Variants in MRPL45 observed in about 807,000 individuals in gnomAD.
The protein encoded by MRPL45 is large ribosomal subunit protein mL45.
In MRPL45, 20 loss-of-function variants were observed where a neutral mutation model predicts 38.1. The ratio of observed to expected loss-of-function variants is 0.53; its 90% CI spans 0.37 to 0.76. The LOEUF is 0.76. MRPL45 is among the 30% of genes least tolerant of loss of function. The pLI is 0.00. For synonymous variants in MRPL45, 105 were observed against 128.8 expected, an observed-to-expected ratio of 0.82 and a Z score of 1.25; for missense variants, 337 against 395.6, an observed-to-expected ratio of 0.85 and a Z score of 1.26.
At position 38,322,579 on chromosome 17, in the gene MRPL45, A is replaced by G; in HGVS notation, c.905A>G (p.Lys302Arg). The stretch of plus-strand genomic sequence containing the variant: ...GAAGAGGCACAAGGAGAGGCCCAGA[A>G]GCCTCAGCTAGCCTGATGACAAAAA... ...EYEEAQGEAQKPQLA is the reference protein window; with the variant it reads ...EYEEAQGEAQRPQLA The change falls in exon 8 of 8, where the codon AAG becomes AGG. Residue 302 changes from lysine (K) to arginine (R), a missense_variant. Physicochemically the swap from Lys to Arg is conservative, Grantham distance 26 (BLOSUM62 2). Transcript: ENST00000613675. The G allele has an allele frequency of 6.2e-7, 1 of 1,612,858 alleles. No homozygotes were observed. The highest frequency in any genetic ancestry group is 8.5e-7 in the Non-Finnish European group (1 of 1,179,690).
At chr17:38,302,446 C>CACTG (rs1177815547) in intron 3 of MRPL45, among the ~76,000 whole-genome samples, 1 of 144,758 alleles carries the variant, frequency 6.9e-6, no homozygotes, top group African/African-American at 2.6e-5. Context: ...CAGATTGCAC[C>CACTG]ACTGCATTCC....
At chr17:38,317,419 G>A (rs956795197) in intron 4 of MRPL45, among the ~76,000 whole-genome samples, 18 of 152,168 alleles carry the variant, frequency 1.2e-4, no homozygotes, top group Non-Finnish European at 1.6e-4. Context: ...GGGACAAAGA[G>A]TTAAACTGCT....
intron 3 of MRPL45, among the ~76,000 whole-genome samples, chr17:38,304,580 T>C (rs1028315420): frequency 1.3e-5 from 2 of 152,164 alleles, no homozygotes; most frequent in Admixed American, 6.6e-5. Flanking sequence ...GTCTCACTCT[T>C]TCGCCCAGGC....
chr17:38,305,003 C>T (rs1293147457), intron 3 of MRPL45, among the ~76,000 whole-genome samples: 20 of 151,784 alleles, frequency 1.3e-4, no homozygotes, highest in Non-Finnish European at 2.2e-4. Context: ...CGTGCCATCA[C>T]GCTTGGCTAA....
At chr17:38,314,930 G>A (rs1393555359) in intron 4 of MRPL45, among the ~76,000 whole-genome samples, 2 of 152,124 alleles carry the variant, frequency 1.3e-5, no homozygotes, top group African/African-American at 2.4e-5. Context: ...ATATACAAAC[G>A]CTCTGCTCCT....
chr17:38,318,257 A>G (rs1390486083), intron 4 of MRPL45, among the ~76,000 whole-genome samples: 1 of 146,164 alleles, frequency 6.8e-6, no homozygotes, highest in East Asian at 2.1e-4. Flanking sequence ...GATGGTACTG[A>G]TGCTGGCTCA....
chr17:38,308,502 G>A (rs1250504390), intron 4 of MRPL45, among the ~76,000 whole-genome samples: 1 of 151,244 alleles, frequency 6.6e-6, no homozygotes, highest in Non-Finnish European at 1.5e-5. Context: ...GTGCAGTGAC[G>A]TGATCTTGGC....
intron 6 of MRPL45, among the ~76,000 whole-genome samples, chr17:38,321,396 A>G (rs7209283): frequency 0.034 from 5,100 of 152,218 alleles, 274 homozygotes; most frequent in African/African-American, 0.12. Flanking sequence ...TTTTCTACCC[A>G]TTAAGATTTT....
chr17:38,320,680 C>T lies in MRPL45; in HGVS notation c.573C>T (p.Pro191=), dbSNP rs150217029. The T allele has an allele frequency of 3.7e-6, 6 of 1,614,048 alleles. No homozygotes were observed. In the African/African-American group the frequency reaches 6.7e-5, roughly 18 times the overall value. The part of the protein sequence containing the change: ...VRWSFVESLE[P]SHVVQVRCSS... ...GGAGCTTTGTGGAATCTTTAGAGCCCTCTCATGTTGTTCAAGTTCGCTGTT... is the reference window on the plus strand; with the variant it reads ...GGAGCTTTGTGGAATCTTTAGAGCCTTCTCATGTTGTTCAAGTTCGCTGTT... Residue 191 remains proline, a synonymous_variant, in exon 6 of 8, where the codon CCC becomes CCT. Transcript: ENST00000613675.
chr17:38,322,268 C>G lies in MRPL45; in HGVS notation c.803C>G (p.Pro268Arg), dbSNP rs1361590581. Reference protein sequence around the residue: ...SWRMHTKIVPPWAPPKQPILK... With the variant: ...SWRMHTKIVPRWAPPKQPILK... ...AGAATGCATACCAAGATCGTTCCCC[C>G]ATGGGCACCCCCTAAGCAGCCCATC... The change falls in exon 7 of 8, where the codon CCA (proline) becomes CGA (arginine). Residue 268 changes from proline to arginine, a missense_variant. Physicochemically the swap from Pro to Arg is moderately radical, Grantham distance 103. Around this residue, in one of 3 missense-constraint regions of MRPL45, gnomAD observed 251 missense variants for 269.1 expected, o/e 0.93. Coordinates refer to ENST00000613675, the MANE Select transcript of MRPL45 (RefSeq NM_032351.6). 1 of 1,614,100 alleles carries G rather than the reference C, an allele frequency of 6.2e-7. No individual in the cohort carries two copies. Among genetic ancestry groups the G allele is most frequent in the South Asian group, 1.1e-5 (1 of 91,082 alleles).
intron 7 of MRPL45, 21 bp from the exon 8 acceptor site, chr17:38,322,488 C>A (rs767438222): frequency 6.2e-7 from 1 of 1,608,868 alleles, no homozygotes; most frequent in Non-Finnish European, 8.5e-7. Context: ...TGGTGGGTAA[C>A]CTGGCGTCCT....
chr17:38,297,383 G>A (rs1305525462), intron 1 of MRPL45, 134 bp downstream of exon 1: 10 of 837,168 alleles, frequency 1.2e-5, no homozygotes, highest in Non-Finnish European at 1.8e-5. Context: ...AGAGGCTTAG[G>A]TGGACAGGAC....
chr17:38,321,050 C>T (rs953004780), intron 6 of MRPL45, among the ~76,000 whole-genome samples: 1 of 152,064 alleles, frequency 6.6e-6, no homozygotes, highest in Admixed American at 6.6e-5. Flanking sequence ...GATTGTGGCT[C>T]ACTGCAGCCT....
chr17:38,320,890 G>C lies in MRPL45; in HGVS notation c.660+123G>C, dbSNP rs886794171. On this transcript the variant is annotated intron_variant, in intron 6 of 7. Coordinates refer to ENST00000613675, the MANE Select transcript of MRPL45 (RefSeq NM_032351.6). The stretch of plus-strand genomic sequence containing the variant: ...AGTAATAAAAGGTACACTGTGATCT[G>C]TCTTCCTTGCTGTGCCGCTGTCCCC... 5 of 926,318 alleles carry C rather than the reference G, an allele frequency of 5.4e-6. No individual in the cohort carries two copies. In the African/African-American group the frequency reaches 8.2e-5, roughly 15 times the overall value. 57.4% of individuals were successfully genotyped at this position (926,318 alleles called of 1,614,324 possible). A position where few individuals can be genotyped will look rare whatever the true frequency, so the allele number is the denominator to read the frequency against.
At chr17:38,300,969 G>T (rs1397103728) in intron 3 of MRPL45, among the ~76,000 whole-genome samples, 1 of 151,962 alleles carries the variant, frequency 6.6e-6, no homozygotes, top group East Asian at 1.9e-4. Context: ...TAATAAAAAA[G>T]ATTTTATCAT....
At chr17:38,318,971 G>T (rs2037202668) in intron 5 of MRPL45, among the ~76,000 whole-genome samples, 1 of 150,862 alleles carries the variant, frequency 6.6e-6, no homozygotes, top group Non-Finnish European at 1.5e-5. Flanking sequence ...GGGATTACAG[G>T]CATGCGCCAC....
rs150472121 is a variant in MRPL45, at chr17:38,301,963, A to G, written c.362+2495A>G. Among the ~76,000 whole-genome samples, 642 of 151,958 alleles carry G rather than the reference A, an allele frequency of 4.2e-3. 4 individuals carry two copies. The highest frequency in any genetic ancestry group is 0.014 in the African/African-American group (599 of 41,460). On this transcript the variant is annotated intron_variant, in intron 3 of 7. Transcript: ENST00000613675. ...AAACCCCGTCTCTACTAAAAATACA[A>G]AAAATTAGCCAGGTGCGGTGGTGGG...
chr17:38,319,367 T>A (rs952100690), intron 5 of MRPL45, among the ~76,000 whole-genome samples: 3 of 151,762 alleles, frequency 2.0e-5, no homozygotes, highest in African/African-American at 7.3e-5. Context: ...ACGGGGTTTC[T>A]CCCGTTGGTC....
At chr17:38,306,886 C>T (rs986710616) in intron 4 of MRPL45, among the ~76,000 whole-genome samples, 1 of 152,140 alleles carries the variant, frequency 6.6e-6, no homozygotes, top group Non-Finnish European at 1.5e-5. Context: ...GACCTTGTGC[C>T]AGAATAGCTG....
Sources: allele counts gnomAD v4.1 joint callset (sites outside exome capture counted in the v4.1 genomes callset), GRCh38; gene constraint gnomAD v4.1.1; regional missense constraint gnomAD v4.1.1; transcripts MANE v1.5; gene names NCBI Gene and HGNC (gene_info 2026-07-23, HGNC 2026-07-21).